Variants in ARHGDIB observed in about 807,000 individuals in gnomAD.
ARHGDIB encodes Rho GDP dissociation inhibitor beta.
A neutral mutation model predicts 22.6 loss-of-function variants in ARHGDIB; 20 were observed. That is an observed-to-expected ratio of 0.88 (90% CI 0.62 to 1.28). The LOEUF (loss-of-function observed/expected upper bound fraction) is 1.28, where lower values mean the gene tolerates loss of function less well. Among genes scored for constraint, ARHGDIB ranks in the 50% most tolerant of loss-of-function variants. The pLI is 0.00. For missense variants in ARHGDIB, 254 were observed against 245.4 expected (o/e 1.04, Z -0.23); for synonymous variants, 114 against 96.1 (o/e 1.19, Z -1.09).
At chr12:14,958,562 A>G (rs1336487987) in intron 1 of ARHGDIB, among the ~76,000 whole-genome samples, 2 of 152,206 alleles carry the variant, frequency 1.3e-5, no homozygotes, top group South Asian at 2.1e-4. Flanking sequence ...TGAGTGCCCA[A>G]CGTGTGAAGT....
At chr12:14,959,432 T>A (rs970819481) in intron 1 of ARHGDIB, among the ~76,000 whole-genome samples, 1 of 152,184 alleles carries the variant, frequency 6.6e-6, no homozygotes, top group African/African-American at 2.4e-5. Flanking sequence ...TTTGTATCAG[T>A]ATGTAATTTT....
At chr12:14,943,391 TGTTG>T (rs1863924959) in intron 5 of ARHGDIB, among the ~76,000 whole-genome samples, 2 of 88,260 alleles carry the variant, frequency 2.3e-5, no homozygotes, top group Admixed American at 1.1e-4. Context: ...TTTTTTTTTT[TGTTG>T]TTGTTGTTGT....
intron 3 of ARHGDIB, among the ~76,000 whole-genome samples, chr12:14,949,113 A>G (rs1864103298): frequency 6.6e-6 from 1 of 151,862 alleles, no homozygotes; most frequent in Admixed American, 6.6e-5. Context: ...TTTTCCACTA[A>G]AAACTTGCCT....
At chr12:14,949,301 T>C (rs1864109298) in intron 3 of ARHGDIB, among the ~76,000 whole-genome samples, 1 of 152,180 alleles carries the variant, frequency 6.6e-6, no homozygotes, top group African/African-American at 2.4e-5. Flanking sequence ...TTGTACGCCT[T>C]TAGTAGGAGA....
chr12:14,943,848 T>C (rs2120671432), intron 5 of ARHGDIB, among the ~76,000 whole-genome samples: 1 of 152,344 alleles, frequency 6.6e-6, no homozygotes, highest in East Asian at 1.9e-4. Flanking sequence ...GTTGCAGACA[T>C]GTCACTGTCC....
At chr12:14,950,812 C>G in intron 1 of ARHGDIB, 88 bp from the exon 2 acceptor site, 3 of 1,034,840 alleles carry the variant, frequency 2.9e-6, no homozygotes, top group Non-Finnish European at 4.1e-6. Flanking sequence ...TCCTTACCCT[C>G]ATGGACTTCT....
intron 4 of ARHGDIB, among the ~76,000 whole-genome samples, chr12:14,945,082 G>A (rs1863979742): frequency 6.6e-6 from 1 of 152,114 alleles, no homozygotes; most frequent in African/African-American, 2.4e-5. Context: ...TTACCGTTTT[G>A]GGAGAGAGGA....
At position 14,947,875 on chromosome 12, in the gene ARHGDIB, T is replaced by C. The variant is rs781167748; in HGVS notation, c.340A>G (p.Lys114Glu). The C allele has an allele frequency of 4.4e-6, 7 of 1,607,806 alleles. No homozygotes were observed. In the Middle Eastern group the frequency reaches 9.9e-4, roughly 228 times the overall value. ...AACACACAAGGCAGGATACTTACTT[T>C]GAAGTGAATTTTGACTCTATATTCA... ...GSEYRVKIHF[K>E]VNRDIVSGLK... Residue 114 changes from lysine (K) to glutamate (E), a missense_variant and splice_region_variant, in exon 4 of 6, where the codon AAA becomes GAA. Coordinates refer to ENST00000228945, the MANE Select transcript of ARHGDIB (RefSeq NM_001175.7).
At chr12:14,954,169 G>A (rs187459513) in intron 1 of ARHGDIB, among the ~76,000 whole-genome samples, 4 of 152,100 alleles carry the variant, frequency 2.6e-5, no homozygotes, top group Admixed American at 1.3e-4. Context: ...GGTTGAGATA[G>A]GGTTTCCCCA....
At chr12:14,954,565 C>T (rs1864258660) in intron 1 of ARHGDIB, among the ~76,000 whole-genome samples, 1 of 152,212 alleles carries the variant, frequency 6.6e-6, no homozygotes, top group South Asian at 2.1e-4. Flanking sequence ...TTCCTACTAA[C>T]TAGCTTTTCC....
chr12:14,950,066 A>T (rs74829704), intron 2 of ARHGDIB, among the ~76,000 whole-genome samples, 181 bp from the exon 3 acceptor site: 2,226 of 152,272 alleles, frequency 0.015, 43 homozygotes, highest in African/African-American at 0.05. Context: ...ATTACAGCAA[A>T]GTTATTTCTG....
At chr12:14,959,950 A>G (rs948291937) in intron 1 of ARHGDIB, among the ~76,000 whole-genome samples, 1 of 152,194 alleles carries the variant, frequency 6.6e-6, no homozygotes, top group African/African-American at 2.4e-5. Flanking sequence ...GAGGGAATAT[A>G]TTCTTACAAA....
At chr12:14,955,411 GA>G (rs1264143016) in intron 1 of ARHGDIB, among the ~76,000 whole-genome samples, 2 of 152,070 alleles carry the variant, frequency 1.3e-5, no homozygotes, top group African/African-American at 4.8e-5. Flanking sequence ...TTGATATCGG[GA>G]ATACATAAAT....
chr12:14,951,364 C>T (rs1864172447), intron 1 of ARHGDIB, among the ~76,000 whole-genome samples: 1 of 152,210 alleles, frequency 6.6e-6, no homozygotes, highest in Non-Finnish European at 1.5e-5. Context: ...ACTAGGTTTG[C>T]TGTTTTTCTT....
chr12:14,952,394 A>G (rs553644397), intron 1 of ARHGDIB, among the ~76,000 whole-genome samples: 1 of 152,122 alleles, frequency 6.6e-6, no homozygotes, highest in Non-Finnish European at 1.5e-5. Flanking sequence ...TGAAAACAGC[A>G]TTGCAATGCC....
In ARHGDIB at chr12:14,945,015, G is replaced by A. The variant is rs1010946575; in HGVS notation, c.343-176C>T. Among the ~76,000 whole-genome samples, 8 of 152,276 alleles carry A rather than the reference G, an allele frequency of 5.3e-5. No homozygotes were observed. In the South Asian group the frequency reaches 1.0e-3, roughly 20 times the overall value. On this transcript the variant is annotated intron_variant, in intron 4 of 5. Coordinates refer to ENST00000228945, the MANE Select transcript of ARHGDIB (RefSeq NM_001175.7). ...TGGCTGTGAGGCAAAGATTAGAGAG[G>A]GGAAATCATAAAATGCAACATTGCC...
intron 1 of ARHGDIB, among the ~76,000 whole-genome samples, chr12:14,959,152 C>T (rs1864359913): frequency 6.6e-6 from 1 of 152,200 alleles, no homozygotes; most frequent in Non-Finnish European, 1.5e-5. Context: ...TGCATGGTGG[C>T]TCACGCCTTT....
intron 1 of ARHGDIB, chr12:14,956,422 G>A (rs1426046469): frequency 6.6e-6 from 1 of 152,166 alleles, no homozygotes; most frequent in Admixed American, 6.5e-5. Context: ...AGAAGCTTGT[G>A]AAATGAGAAA....
chr12:14,951,908 T>C (rs750362751), intron 1 of ARHGDIB, among the ~76,000 whole-genome samples: 13 of 152,028 alleles, frequency 8.6e-5, no homozygotes, highest in Non-Finnish European at 1.6e-4. Context: ...AGAGGCAGTA[T>C]ACTAACCAAG....
Sources: allele counts gnomAD v4.1 joint callset (sites outside exome capture counted in the v4.1 genomes callset), GRCh38; gene constraint gnomAD v4.1.1; transcripts MANE v1.5; gene names NCBI Gene and HGNC (gene_info 2026-07-23, HGNC 2026-07-21).